PAIP2B: variants seen among roughly 807,000 people sequenced by gnomAD.
The protein encoded by PAIP2B is poly(A) binding protein interacting protein 2B, also known as polyadenylate-binding protein-interacting protein 2B.
A neutral mutation model predicts 17.0 loss-of-function variants in PAIP2B; 13 were observed. The ratio of observed to expected loss-of-function variants is 0.76; its 90% confidence interval spans 0.50 to 1.22. The LOEUF is 1.22. PAIP2B is among the 50% of genes most tolerant of loss of function. The probability of loss-of-function intolerance (pLI) is 0.00; values close to 1 mark genes in which losing one functional copy is unlikely to be tolerated. For synonymous variants in PAIP2B, 43 were observed against 48.7 expected (o/e 0.88, Z 0.48); for missense variants, 117 against 144.5 (o/e 0.81, Z 0.98).
rs1480223158 is a variant in PAIP2B at position 71,184,594 on chromosome 2, G to A, written c.*3885C>T. On this transcript the variant is annotated 3_prime_UTR_variant, in exon 4 of 4. Transcript: ENST00000244221. Reference sequence around the variant, plus strand: ...CCAAATTGTAACTAACCAAGTCTGTGTAGGAAATTCACAAGGCAGCAGAGC... The same window carrying A: ...CCAAATTGTAACTAACCAAGTCTGTATAGGAAATTCACAAGGCAGCAGAGC... 1.3e-5 allele frequency: 2 copies of A among 152,248 alleles called. No homozygotes were observed. The highest frequency in any genetic ancestry group is 1.3e-4 in the Admixed American group (2 of 15,282). 9.4% of individuals were successfully genotyped at this position (152,248 alleles called of 1,614,324 possible).
At chr2:71,225,795 A>T (rs1675706290) in intron 1 of PAIP2B, among the ~76,000 whole-genome samples, 1 of 152,226 alleles carries the variant, frequency 6.6e-6, no homozygotes, top group South Asian at 2.1e-4. Flanking sequence ...AACCGACATT[A>T]CTAGAAACCA....
intron 2 of PAIP2B, among the ~76,000 whole-genome samples, chr2:71,197,248 G>T (rs902243631): frequency 3.9e-5 from 6 of 152,104 alleles, no homozygotes; most frequent in African/African-American, 1.2e-4. Context: ...ATCTGAAAAG[G>T]ATCTTATTTT....
chr2:71,220,070 T>C (rs1235796808), intron 1 of PAIP2B, among the ~76,000 whole-genome samples: 1 of 152,202 alleles, frequency 6.6e-6, no homozygotes, highest in Non-Finnish European at 1.5e-5. Context: ...ACTTAACCAG[T>C]TCCCTGATGG....
chr2:71,220,937 C>G (rs1016506047), intron 1 of PAIP2B, among the ~76,000 whole-genome samples: 1 of 152,256 alleles, frequency 6.6e-6, no homozygotes, highest in East Asian at 1.9e-4. Flanking sequence ...CTTGATTGCT[C>G]ATGAGCTCCT....
At chr2:71,209,649 C>T (rs1055305798) in intron 1 of PAIP2B, among the ~76,000 whole-genome samples, 6 of 152,154 alleles carry the variant, frequency 3.9e-5, no homozygotes, top group African/African-American at 1.4e-4. Context: ...TGTAAGTTGG[C>T]CTGCCCAGAC....
chr2:71,192,425 C>T (rs1156570371), intron 2 of PAIP2B, among the ~76,000 whole-genome samples: 1 of 151,856 alleles, frequency 6.6e-6, no homozygotes, highest in Non-Finnish European at 1.5e-5. Flanking sequence ...TGTTATAGTG[C>T]TCTGTAATCA....
chr2:71,189,727 A>G, intron 3 of PAIP2B, 118 bp downstream of exon 3: 1 of 970,042 alleles, frequency 1.0e-6, no homozygotes, highest in African/African-American at 1.7e-5. Context: ...GAGCAAAGAA[A>G]CAACAGCTCA....
At chr2:71,191,948 CTA>C (rs1674697390) in intron 2 of PAIP2B, among the ~76,000 whole-genome samples, 1 of 152,178 alleles carries the variant, frequency 6.6e-6, no homozygotes, top group Admixed American at 6.5e-5. Context: ...ATGTACTTCT[CTA>C]TTTCAGACTC....
At position 71,186,748 on chromosome 2, in the gene PAIP2B, G is replaced by T. The variant is rs1674552614; in HGVS notation, c.*1731C>A. 1 of 152,182 alleles carries T rather than the reference G, an allele frequency of 6.6e-6. No individual in the cohort carries two copies. The highest frequency in any genetic ancestry group is 2.4e-5 in the African/African-American group (1 of 41,448). 9.4% of individuals were successfully genotyped at this position (152,182 alleles called of 1,614,324 possible). ...CATTCTCTCAACATAGAGGCTTTGG[G>T]AATTAATGTGTCTGTCTGGTAATGC... On this transcript the variant is annotated 3_prime_UTR_variant, in exon 4 of 4. Transcript: ENST00000244221.
intron 2 of PAIP2B, among the ~76,000 whole-genome samples, chr2:71,198,705 G>C (rs1315059998): frequency 6.6e-6 from 1 of 152,212 alleles, no homozygotes; most frequent in African/African-American, 2.4e-5. Flanking sequence ...ACAGGTGTGA[G>C]CCACCATGCC....
intron 1 of PAIP2B, among the ~76,000 whole-genome samples, chr2:71,205,288 T>C (rs993502893): frequency 6.6e-6 from 1 of 152,244 alleles, no homozygotes; most frequent in Admixed American, 6.5e-5. Flanking sequence ...TTGTATTTTG[T>C]ACTATTCAAC....
chr2:71,216,310 A>G (rs1051359639), intron 1 of PAIP2B, among the ~76,000 whole-genome samples: 12 of 152,240 alleles, frequency 7.9e-5, no homozygotes, highest in Admixed American at 3.3e-4. Flanking sequence ...TCATGGGGTT[A>G]ATCACTAAAT....
rs887211912 is a variant in PAIP2B, at chr2:71,186,065, A to G, written c.*2414T>C. On this transcript the variant is annotated 3_prime_UTR_variant, in exon 4 of 4. Coordinates refer to ENST00000244221, the MANE Select transcript of PAIP2B (RefSeq NM_020459.1). ...ATCAAAATTACCCCTTATAAATACA[A>G]GTCTTACCATTAAAGGGTAAAGGTG... The G allele has an allele frequency of 3.3e-5, 5 of 152,228 alleles. No homozygotes were observed. The highest frequency in any genetic ancestry group is 1.2e-4 in the African/African-American group (5 of 41,464). The allele number at this position is 152,228 out of a possible 1,614,324, so 9.4% of individuals were successfully genotyped here.
rs1246241206 is a variant in PAIP2B, at chr2:71,185,567, C to T, written c.*2912G>A. 2 of 87,742 alleles carry T rather than the reference C, an allele frequency of 2.3e-5. No homozygotes were observed. The highest frequency in any genetic ancestry group is 4.2e-4 in the South Asian group (1 of 2,400). The allele number at this position is 87,742 out of a possible 1,614,324, so 5.4% of individuals were successfully genotyped here. On this transcript the variant is annotated 3_prime_UTR_variant, in exon 4 of 4. Transcript: ENST00000244221. ...TGGGTGACAGAGTGAGACTATGTCTCAAAAAAAAAGAAAAAAAAAAAAAAA... is the reference window on the plus strand; with the variant it reads ...TGGGTGACAGAGTGAGACTATGTCTTAAAAAAAAAGAAAAAAAAAAAAAAA...
intron 1 of PAIP2B, among the ~76,000 whole-genome samples, chr2:71,220,036 C>T (rs1447406120): frequency 6.6e-6 from 1 of 152,104 alleles, no homozygotes; most frequent in Non-Finnish European, 1.5e-5. Context: ...CACAGTATTC[C>T]ATCATTTGGA....
intron 1 of PAIP2B, among the ~76,000 whole-genome samples, chr2:71,215,621 C>T (rs149596808): frequency 6.6e-6 from 1 of 152,316 alleles, no homozygotes; most frequent in African/African-American, 2.4e-5. Context: ...AGCTGGTCAA[C>T]TGAGACTATT....
chr2:71,187,600 T>A lies in PAIP2B; in HGVS notation c.*879A>T, dbSNP rs1674571510. On this transcript the variant is annotated 3_prime_UTR_variant, in exon 4 of 4. Transcript: ENST00000244221. ...AATTAAGACACAACAGATTCAAGGA[T>A]GACTTCTGCAGGCTCATGCTAATTG... The A allele has an allele frequency of 6.6e-6, 1 of 152,218 alleles. No homozygotes were observed. The highest frequency in any genetic ancestry group is 1.5e-5 in the Non-Finnish European group (1 of 68,038). The allele number at this position is 152,218 out of a possible 1,614,324, so 9.4% of individuals were successfully genotyped here.
intron 2 of PAIP2B, among the ~76,000 whole-genome samples, chr2:71,201,820 C>CA (rs1455507732): frequency 1.3e-5 from 2 of 152,156 alleles, no homozygotes; most frequent in African/African-American, 4.8e-5. Flanking sequence ...CTCCACTGTT[C>CA]AAGCAATTAA....
intron 2 of PAIP2B, among the ~76,000 whole-genome samples, chr2:71,190,445 T>A (rs1023445289): frequency 1.3e-4 from 19 of 151,826 alleles, no homozygotes; most frequent in Admixed American, 7.9e-4. Context: ...AAAATATATT[T>A]AAAAAAAAGA....
Sources: gnomAD v4.1 joint callset for allele counts (sites outside exome capture counted in the v4.1 genomes callset) on GRCh38, gnomAD v4.1.1 for gene constraint, MANE v1.5 for transcripts, NCBI Gene and HGNC (gene_info 2026-07-23, HGNC 2026-07-21) for gene names.